The following RTN3 variants were observed in gnomAD, a reference collection of about 807,000 sequenced individuals.
RTN3 encodes reticulon 3.
In RTN3, 49 loss-of-function variants were observed where a neutral mutation model predicts 77.8. The ratio of observed to expected loss-of-function variants is 0.63; its 90% CI spans 0.50 to 0.80. The LOEUF (loss-of-function observed/expected upper bound fraction) is 0.80, where lower values mean the gene tolerates loss of function less well. Among genes scored for constraint, RTN3 ranks in the 30% least tolerant of loss-of-function variants. The pLI, the probability that RTN3 is intolerant of heterozygous loss-of-function variation, is 0.00. For missense variants in RTN3, 1,236 were observed against 1,211.9 expected (o/e 1.02, Z -0.29); for synonymous variants, 464 against 446.9 (o/e 1.04, Z -0.48).
chr11:63,698,937 A>C (rs1942097915), intron 1 of RTN3, among the ~76,000 whole-genome samples: 1 of 152,214 alleles, frequency 6.6e-6, no homozygotes, highest in Non-Finnish European at 1.5e-5. Context: ...CTGCCTGTTC[A>C]ACAGTTGCCA....
intron 3 of RTN3, among the ~76,000 whole-genome samples, chr11:63,732,655 T>C (rs959469375): frequency 2.0e-5 from 3 of 152,186 alleles, no homozygotes; most frequent in South Asian, 4.1e-4. Context: ...AAATGCTACT[T>C]AATGCTAACA....
chr11:63,690,942 G>T (rs142803375), intron 1 of RTN3, among the ~76,000 whole-genome samples: 1 of 152,026 alleles, frequency 6.6e-6, no homozygotes, highest in African/African-American at 2.4e-5. Context: ...GCACAAGGTT[G>T]TACAGCTATC....
At chr11:63,703,546 TTTC>T (rs1157632134) in intron 1 of RTN3, among the ~76,000 whole-genome samples, 1 of 151,878 alleles carries the variant, frequency 6.6e-6, no homozygotes, top group Non-Finnish European at 1.5e-5. Context: ...ACATATTTTT[TTTC>T]TTTTTTTTTT....
At chr11:63,723,990 G>C (rs1480440616) in intron 3 of RTN3, among the ~76,000 whole-genome samples, 1 of 151,968 alleles carries the variant, frequency 6.6e-6, no homozygotes, top group Non-Finnish European at 1.5e-5. Flanking sequence ...TCAGATCCCT[G>C]CCTCTCACAT....
chr11:63,702,677 T>A (rs1942299931), intron 1 of RTN3, among the ~76,000 whole-genome samples: 1 of 145,994 alleles, frequency 6.8e-6, no homozygotes, highest in South Asian at 2.2e-4. Context: ...TTTGTTTTTG[T>A]TTTTTTGTTT....
chr11:63,691,628 T>C (rs1941664907), intron 1 of RTN3, among the ~76,000 whole-genome samples: 1 of 152,218 alleles, frequency 6.6e-6, no homozygotes, highest in African/African-American at 2.4e-5. Context: ...TGTTCTTTCC[T>C]TCTTTTGCTC....
intron 7 of RTN3, among the ~76,000 whole-genome samples, 200 bp downstream of exon 7, chr11:63,753,908 T>G (rs976396218): frequency 6.6e-6 from 1 of 152,254 alleles, no homozygotes; most frequent in Non-Finnish European, 1.5e-5. Context: ...GAGAGATGAC[T>G]AGGAAAGAGA....
chr11:63,738,081 T>C (rs1341350791), intron 3 of RTN3, among the ~76,000 whole-genome samples: 2 of 152,240 alleles, frequency 1.3e-5, no homozygotes, highest in African/African-American at 4.8e-5. Flanking sequence ...TCATTTATTA[T>C]AACTATTAAT....
chr11:63,707,461 ATTC>A (rs914772838), intron 2 of RTN3, among the ~76,000 whole-genome samples: 6 of 152,312 alleles, frequency 3.9e-5, no homozygotes, highest in African/African-American at 1.4e-4. Flanking sequence ...GCATACACTT[ATTC>A]TTCCTTTTTG....
intron 7 of RTN3, among the ~76,000 whole-genome samples, chr11:63,754,410 C>T (rs768523622): frequency 2.0e-5 from 3 of 150,998 alleles, no homozygotes; most frequent in Non-Finnish European, 4.4e-5. Flanking sequence ...AAAAATTAGC[C>T]CAGTGTGGGG....
intron 1 of RTN3, among the ~76,000 whole-genome samples, chr11:63,704,076 C>T (rs1942378908): frequency 6.6e-6 from 1 of 151,832 alleles, no homozygotes; most frequent in Non-Finnish European, 1.5e-5. Flanking sequence ...AATCTTGGCT[C>T]ACTGCAAACT....
At chr11:63,688,443 T>C (rs919436264) in intron 1 of RTN3, among the ~76,000 whole-genome samples, 13 of 152,096 alleles carry the variant, frequency 8.5e-5, no homozygotes, top group Non-Finnish European at 1.6e-4. Context: ...AGGATGGTCT[T>C]GATCTCCTGA....
intron 2 of RTN3, among the ~76,000 whole-genome samples, chr11:63,709,011 C>CT (rs943242525): frequency 2.6e-5 from 4 of 152,184 alleles, no homozygotes; most frequent in Non-Finnish European, 4.4e-5. Context: ...AGGGAAGGGA[C>CT]TAGCTCTTTT....
intron 2 of RTN3, chr11:63,714,446 T>A (rs993005797): frequency 4.6e-5 from 7 of 152,416 alleles, no homozygotes; most frequent in African/African-American, 1.2e-4. Context: ...AGTTTTTTTT[T>A]AATATATCTC....
chr11:63,723,260 C>G (rs900284583), intron 3 of RTN3, among the ~76,000 whole-genome samples: 1 of 151,914 alleles, frequency 6.6e-6, no homozygotes, highest in African/African-American at 2.4e-5. Context: ...AGTTTAAAGG[C>G]CTTTCTTGCA....
intron 3 of RTN3, among the ~76,000 whole-genome samples, chr11:63,735,363 T>G (rs1425869695): frequency 6.6e-6 from 1 of 152,074 alleles, no homozygotes; most frequent in African/African-American, 2.4e-5. Context: ...TGGAATAAAT[T>G]TAGCTAAAAA....
intron 3 of RTN3, among the ~76,000 whole-genome samples, chr11:63,733,160 C>CAAA (rs58564500): frequency 7.3e-6 from 1 of 136,834 alleles, no homozygotes; most frequent in African/African-American, 2.7e-5. Context: ...ACTAAAAATA[C>CAAA]AAAAAAAAAA....
intron 1 of RTN3, 59 bp downstream of exon 1, chr11:63,681,837 G>T: frequency 4.8e-6 from 7 of 1,450,512 alleles, no homozygotes; most frequent in Non-Finnish European, 6.4e-6. Flanking sequence ...CCTGGGGGCT[G>T]GGGGGATTAG....
At chr11:63,725,457 C>CT (rs1050369419) in intron 3 of RTN3, among the ~76,000 whole-genome samples, 5 of 137,406 alleles carry the variant, frequency 3.6e-5, no homozygotes, top group African/African-American at 1.3e-4. Flanking sequence ...TTTTCTTTTT[C>CT]TTTTTTGAGA....
Sources: gnomAD v4.1 joint callset for allele counts (sites outside exome capture counted in the v4.1 genomes callset) on GRCh38, gnomAD v4.1.1 for gene constraint, MANE v1.5 for transcripts, NCBI Gene and HGNC (gene_info 2026-07-23, HGNC 2026-07-21) for gene names.